Variants in TENM3 observed in about 807,000 individuals in gnomAD.
TENM3 encodes teneurin-3.
A neutral mutation model predicts 255.1 loss-of-function variants in TENM3; 63 were observed. The ratio of observed to expected loss-of-function variants is 0.25; its 90% CI spans 0.20 to 0.30. The LOEUF (loss-of-function observed/expected upper bound fraction) is 0.30. TENM3 is among the 10% of genes least tolerant of loss of function. The pLI is 1.00. For missense variants in TENM3, 2,929 were observed against 3,461.1 expected (o/e 0.85, Z 3.86); for synonymous variants, 1,306 against 1,322.3 (o/e 0.99, Z 0.27).
At chr4:182,675,272 A>G (rs1755574238) in intron 7 of TENM3, among the ~76,000 whole-genome samples, 1 of 151,894 alleles carries the variant, frequency 6.6e-6, no homozygotes, top group Admixed American at 6.6e-5. Context: ...GGCTAGGCAC[A>G]GTGACTTAGG....
chr4:182,395,647 G>C (rs1768755921), intron 3 of TENM3, among the ~76,000 whole-genome samples: 1 of 152,134 alleles, frequency 6.6e-6, no homozygotes, highest in Non-Finnish European at 1.5e-5. Context: ...GAGACCCGGA[G>C]TCTTGAAGGA....
the TENM3 span, among the ~76,000 whole-genome samples, chr4:181,487,340 G>A: frequency 9.2e-5 from 14 of 152,194 alleles, no homozygotes; most frequent in South Asian, 1.9e-3. Flanking sequence ...GTATTAGTGC[G>A]TTTGGGCTGT....
chr4:182,800,186 G>A lies in TENM3; in HGVS notation c.7935G>A (p.Glu2645=). 2 of 1,552,784 alleles carry A rather than the reference G, an allele frequency of 1.3e-6. No homozygotes were observed. The highest frequency in any genetic ancestry group is 1.4e-5 in the African/African-American group (1 of 71,902). ...REQQRVRDGE[E]GARLWTEGEK... ...AGCAGCGCGTGCGCGACGGCGAGGA[G>A]GGCGCGCGCCTCTGGACGGAGGGCG... The change falls in exon 28 of 28, where the codon GAG becomes GAA. Residue 2645 remains glutamate, a synonymous_variant. Coordinates refer to ENST00000511685, the MANE Select transcript of TENM3 (RefSeq NM_001080477.4).
the TENM3 span, among the ~76,000 whole-genome samples, chr4:181,450,368 T>C: frequency 6.6e-6 from 1 of 152,190 alleles, no homozygotes; most frequent in African/African-American, 2.4e-5. Context: ...CTGAGTAATA[T>C]TCATTGCAAA....
the TENM3 span, among the ~76,000 whole-genome samples, chr4:181,937,905 A>AT: frequency 6.6e-6 from 1 of 152,142 alleles, no homozygotes; most frequent in Non-Finnish European, 1.5e-5. Context: ...TTAAGATGTG[A>AT]TTTTCAGGTG....
chr4:181,914,121 A>G, the TENM3 span, among the ~76,000 whole-genome samples: 1 of 151,974 alleles, frequency 6.6e-6, no homozygotes, highest in African/African-American at 2.4e-5. Flanking sequence ...TAGTGATATC[A>G]CTCCTTTGGT....
chr4:182,794,359 C>A (rs929478512), intron 26 of TENM3, among the ~76,000 whole-genome samples: 2 of 152,128 alleles, frequency 1.3e-5, no homozygotes, highest in African/African-American at 4.8e-5. Flanking sequence ...AACTACCTTA[C>A]GAATGTGTCA....
the TENM3 span, among the ~76,000 whole-genome samples, chr4:181,548,944 G>A: frequency 6.6e-6 from 1 of 152,112 alleles, no homozygotes; most frequent in African/African-American, 2.4e-5. Flanking sequence ...AAAACAGAAG[G>A]TAACTGGAGC....
At chr4:182,083,471 C>T in the TENM3 span, among the ~76,000 whole-genome samples, 1 of 152,082 alleles carries the variant, frequency 6.6e-6, no homozygotes, top group Non-Finnish European at 1.5e-5. Context: ...TGTTATTGAT[C>T]ACCTAATTTT....
chr4:182,050,501 T>C, the TENM3 span, among the ~76,000 whole-genome samples: 5 of 152,166 alleles, frequency 3.3e-5, no homozygotes, highest in African/African-American at 7.2e-5. Flanking sequence ...GTGCAGAATT[T>C]CTGAAAGAAA....
At chr4:181,654,754 C>CA in the TENM3 span, among the ~76,000 whole-genome samples, 45,479 of 92,778 alleles carry the variant, frequency 0.49, 11,253 homozygotes, top group Non-Finnish European at 0.58. Flanking sequence ...AACTCCATCT[C>CA]AAAAAAAAAA....
the TENM3 span, among the ~76,000 whole-genome samples, chr4:181,698,960 C>T: frequency 3.3e-5 from 5 of 151,988 alleles, no homozygotes; most frequent in Non-Finnish European, 7.4e-5. Flanking sequence ...TAAAAGAAAA[C>T]ACAGACTTCA....
At chr4:181,978,670 G>GAAAAA in the TENM3 span, among the ~76,000 whole-genome samples, 1 of 134,940 alleles carries the variant, frequency 7.4e-6, no homozygotes, top group East Asian at 2.2e-4. Flanking sequence ...GAAAAGAAAA[G>GAAAAA]AAAAAAAAAA....
chr4:181,780,917 A>C, the TENM3 span, among the ~76,000 whole-genome samples: 1 of 152,272 alleles, frequency 6.6e-6, no homozygotes, highest in South Asian at 2.1e-4. Context: ...GGTTTGTCAA[A>C]GATCAGATGG....
rs182003855 is a variant in TENM3, at chr4:182,746,833, T to A, written c.3629+3414T>A. Among the ~76,000 whole-genome samples the A allele has an allele frequency of 3.3e-5, 5 of 152,300 alleles. No homozygotes were observed. The East Asian group carries it at 9.6e-4, about 29-fold the overall frequency. Reference sequence around the variant, plus strand: ...ATAAGAAAGAGGAAGATGTAGAGAATGTGTAAGGTCTTTGAGCCCAAATCA... The same window carrying A: ...ATAAGAAAGAGGAAGATGTAGAGAAAGTGTAAGGTCTTTGAGCCCAAATCA... On this transcript the variant is annotated intron_variant, in intron 19 of 27. Coordinates refer to ENST00000511685, the MANE Select transcript of TENM3 (RefSeq NM_001080477.4).
chr4:182,491,265 G>A (rs1185761062), intron 3 of TENM3, among the ~76,000 whole-genome samples: 2 of 152,078 alleles, frequency 1.3e-5, no homozygotes, highest in African/African-American at 2.4e-5. Flanking sequence ...ATCGTGGTTC[G>A]GCTTGGGGCA....
At chr4:182,690,409 C>G (rs1048320435) in intron 12 of TENM3, among the ~76,000 whole-genome samples, 1 of 152,130 alleles carries the variant, frequency 6.6e-6, no homozygotes, top group African/African-American at 2.4e-5. Flanking sequence ...AATGCAATAC[C>G]TCTATAACCA....
the TENM3 span, among the ~76,000 whole-genome samples, chr4:181,849,539 A>G: frequency 1.3e-5 from 2 of 152,230 alleles, no homozygotes; most frequent in South Asian, 2.1e-4. Flanking sequence ...TGTACTTTAC[A>G]TACTCACACA....
intron 1 of TENM3, among the ~76,000 whole-genome samples, chr4:182,231,739 A>G (rs113264692): frequency 0.063 from 9,601 of 152,108 alleles, 404 homozygotes; most frequent in Non-Finnish European, 0.091. Flanking sequence ...ACCAGGCTGG[A>G]CTCTGGAACA....
Sources: allele counts gnomAD v4.1 joint callset (sites outside exome capture counted in the v4.1 genomes callset), GRCh38; gene constraint gnomAD v4.1.1; transcripts MANE v1.5; gene names NCBI Gene and HGNC (gene_info 2026-07-23, HGNC 2026-07-21).